STAM: variants seen among roughly 807,000 people sequenced by gnomAD.
STAM encodes signal transducing adapter molecule 1.
Under a neutral mutation model 63.4 loss-of-function variants are expected in STAM, and 16 were observed. The observed-to-expected ratio is 0.25, with a 90% CI of 0.17 to 0.38. The LOEUF is 0.38. Ranked by LOEUF, STAM falls within the 10% of genes least tolerant of loss-of-function variation. The pLI is 1.00. For missense variants in STAM, 636 were observed against 657.1 expected (o/e 0.97, Z 0.35); for synonymous variants, 238 against 223.9 (o/e 1.06, Z -0.56).
intron 2 of STAM, among the ~76,000 whole-genome samples, chr10:17,682,059 G>A (rs1405666640): frequency 7.2e-5 from 11 of 152,164 alleles, no homozygotes; most frequent in African/African-American, 2.2e-4. Context: ...TCCCTTGTAT[G>A]TGTATGGTTT....
intron 1 of STAM, among the ~76,000 whole-genome samples, chr10:17,653,224 AG>A (rs1833808235): frequency 6.6e-6 from 1 of 152,212 alleles, no homozygotes; most frequent in South Asian, 2.1e-4. Context: ...CCCCAATTGT[AG>A]AATCCATGAA....
chr10:17,710,318 C>T (rs114536187), intron 13 of STAM, among the ~76,000 whole-genome samples: 122 of 152,284 alleles, frequency 8.0e-4, no homozygotes, highest in African/African-American at 2.7e-3. Context: ...AGTTCTGTAG[C>T]GCTGTGGTAC....
chr10:17,646,925 C>T (rs1360298026), intron 1 of STAM, among the ~76,000 whole-genome samples: 1 of 152,218 alleles, frequency 6.6e-6, no homozygotes, highest in Non-Finnish European at 1.5e-5. Flanking sequence ...ATTTGCACAT[C>T]TTCAAAATTA....
Position 17,644,946 on chromosome 10 carries a change from C to A in STAM, c.40+567C>A, listed in dbSNP as rs150876103. 1.8e-3 allele frequency among the ~76,000 whole-genome samples: 274 copies of A among 152,190 alleles called. 1 individual carries two copies. Among genetic ancestry groups the A allele is most frequent in the African/African-American group, 5.6e-3 (234 of 41,522 alleles). ...GCAACGACTGAAACCGAATTGAGGA[C>A]CTGAGCCTTTGGGATGTCTCTCTTA... On this transcript the variant is annotated intron_variant, in intron 1 of 13. Transcript: ENST00000377524.
chr10:17,678,109 A>G (rs1414700729), intron 2 of STAM, among the ~76,000 whole-genome samples: 1 of 152,208 alleles, frequency 6.6e-6, no homozygotes, highest in Non-Finnish European at 1.5e-5. Flanking sequence ...AGCTGTACTC[A>G]TTAGCAGTCA....
intron 6 of STAM, 109 bp from the exon 7 acceptor site, chr10:17,694,940 A>G: frequency 9.0e-6 from 9 of 999,268 alleles, no homozygotes; most frequent in Non-Finnish European, 1.2e-5. Context: ...TCTAGTTTCT[A>G]ACTATACTAT....
intron 1 of STAM, among the ~76,000 whole-genome samples, chr10:17,653,398 A>G (rs1259005945): frequency 2.6e-5 from 4 of 152,198 alleles, no homozygotes; most frequent in African/African-American, 9.7e-5. Context: ...AAACAGGATA[A>G]AAACTCTGAA....
At chr10:17,669,096 T>G (rs1411121446) in intron 2 of STAM, among the ~76,000 whole-genome samples, 1 of 152,364 alleles carries the variant, frequency 6.6e-6, no homozygotes, top group East Asian at 1.9e-4. Flanking sequence ...CTATTTGGAA[T>G]TTATCCTGTT....
chr10:17,701,240 C>T (rs782091582), intron 9 of STAM, among the ~76,000 whole-genome samples: 7 of 151,332 alleles, frequency 4.6e-5, no homozygotes, highest in African/African-American at 1.5e-4. Context: ...TTAAAACTGG[C>T]TACCTTTTTC....
chr10:17,649,035 A>T (rs1302792158), intron 1 of STAM, among the ~76,000 whole-genome samples: 1 of 152,190 alleles, frequency 6.6e-6, no homozygotes, highest in Non-Finnish European at 1.5e-5. Context: ...AGGTCTGGAT[A>T]TTCATCACAC....
intron 13 of STAM, among the ~76,000 whole-genome samples, chr10:17,713,699 C>T (rs1047775488): frequency 6.6e-5 from 10 of 152,092 alleles, no homozygotes; most frequent in African/African-American, 2.4e-4. Flanking sequence ...CCCATCTCCA[C>T]CATTACTGCC....
chr10:17,709,977 T>TTTTTTTTTTTTTTTTTTTTTTGAG (rs1554829903), intron 13 of STAM, among the ~76,000 whole-genome samples: 2 of 150,376 alleles, frequency 1.3e-5, no homozygotes, highest in African/African-American at 4.9e-5. Flanking sequence ...GATTTTTTTT[T>TTTTTTTTTTTTTTTTTTTTTTGAG]AAGTTGAAAT....
intron 6 of STAM, 157 bp from the exon 7 acceptor site, chr10:17,694,892 C>CT: frequency 1.7e-6 from 1 of 595,708 alleles, no homozygotes; most frequent in Non-Finnish European, 2.7e-6. Context: ...AATGAATAAA[C>CT]TGACAAAATG....
At chr10:17,665,540 T>C (rs1475508547) in intron 2 of STAM, among the ~76,000 whole-genome samples, 3 of 152,152 alleles carry the variant, frequency 2.0e-5, no homozygotes, top group African/African-American at 7.2e-5. Context: ...TATCGTTACT[T>C]ATTGACTACT....
In STAM at chr10:17,715,765, T is replaced by C. The variant is rs569570371; in HGVS notation, c.*985T>C. 19 of 152,728 alleles carry C rather than the reference T, an allele frequency of 1.2e-4. No homozygotes were observed. The highest frequency in any genetic ancestry group is 1.0e-3 in the Admixed American group (16 of 15,294). The allele number at this position is 152,728 out of a possible 1,614,324, so 9.5% of individuals were successfully genotyped here. The stretch of plus-strand genomic sequence containing the variant: ...GAAAGAAAACCTGAATTACACTACA[T>C]TTTCGAAGTCTCTTGTAATTATTTG... On this transcript the variant is annotated 3_prime_UTR_variant, in exon 14 of 14. Transcript: ENST00000377524.
chr10:17,688,733 G>A (rs1835405525), intron 5 of STAM, among the ~76,000 whole-genome samples: 1 of 152,022 alleles, frequency 6.6e-6, no homozygotes, highest in African/African-American at 2.4e-5. Flanking sequence ...AAAGTGCTAG[G>A]ATTACAGGTG....
At chr10:17,689,889 T>C (rs1835455800) in intron 5 of STAM, among the ~76,000 whole-genome samples, 1 of 152,206 alleles carries the variant, frequency 6.6e-6, no homozygotes, top group Non-Finnish European at 1.5e-5. Flanking sequence ...TATATGCACG[T>C]TGAGGTCTGA....
intron 2 of STAM, among the ~76,000 whole-genome samples, chr10:17,666,457 C>T (rs529717898): frequency 1.4e-5 from 2 of 140,678 alleles, no homozygotes; most frequent in East Asian, 2.2e-4. Context: ...TGCAGTGGCA[C>T]GATCTTGGCT....
rs533151171 is a variant in STAM, at chr10:17,688,313, G to A, written c.444+140G>A. The A allele has an allele frequency of 1.0e-3, 751 of 751,736 alleles. 12 individuals are homozygous for A. In the South Asian group the frequency reaches 0.023, roughly 23 times the overall value. 46.6% of individuals were successfully genotyped at this position (751,736 alleles called of 1,614,324 possible). ...CGTTAGCTAATTGTGTTAGTAACTA[G>A]TTGTATTGCTAGTTAGTAATACTAG... is the stretch of plus-strand genomic sequence containing the variant. On this transcript the variant is annotated intron_variant, in intron 5 of 13. Coordinates refer to ENST00000377524, the MANE Select transcript of STAM (RefSeq NM_003473.4).
Sources: allele counts gnomAD v4.1 joint callset (sites outside exome capture counted in the v4.1 genomes callset), GRCh38; gene constraint gnomAD v4.1.1; transcripts MANE v1.5; gene names NCBI Gene and HGNC (gene_info 2026-07-23, HGNC 2026-07-21).